USH2A: variants seen among roughly 807,000 people sequenced by gnomAD.
The protein encoded by USH2A is Usher syndrome 2A (autosomal recessive, mild).
Under a neutral mutation model 538.9 loss-of-function variants are expected in USH2A, and 443 were observed. The ratio of observed to expected loss-of-function variants is 0.82; its 90% CI spans 0.76 to 0.89. The LOEUF (loss-of-function observed/expected upper bound fraction) is 0.89, where lower values mean the gene tolerates loss of function less well. Among genes scored for constraint, USH2A ranks in the 40% least tolerant of loss-of-function variants. The pLI is 0.00. For missense variants in USH2A, 6,633 were observed against 6,324.8 expected, an observed-to-expected ratio of 1.05 and a Z score of -1.65; for synonymous variants, 2,413 against 2,273.5, an observed-to-expected ratio of 1.06 and a Z score of -1.75.
intron 46 of USH2A, among the ~76,000 whole-genome samples, chr1:215,838,773 A>G (rs2102817281): frequency 1.3e-5 from 2 of 152,316 alleles, no homozygotes; most frequent in East Asian, 3.9e-4. Context: ...ACGTTAACCA[A>G]GAGGGAGGAG....
chr1:216,296,274 T>C (rs2102616281), intron 9 of USH2A, among the ~76,000 whole-genome samples: 1 of 152,164 alleles, frequency 6.6e-6, no homozygotes, highest in East Asian at 1.9e-4. Context: ...AACTCTATGG[T>C]CAATTAAAAT....
chr1:216,092,772 C>A (rs1309621508), intron 22 of USH2A, among the ~76,000 whole-genome samples: 1 of 152,126 alleles, frequency 6.6e-6, no homozygotes, highest in Non-Finnish European at 1.5e-5. Flanking sequence ...TAGTGTAATG[C>A]ATCTGATTAC....
chr1:215,918,383 G>T (rs138643957), intron 38 of USH2A, among the ~76,000 whole-genome samples: 1 of 152,130 alleles, frequency 6.6e-6, no homozygotes, highest in African/African-American at 2.4e-5. Flanking sequence ...CATGAATGCG[G>T]TTAGTGCCCT....
chr1:216,411,105 T>G (rs551545626), intron 3 of USH2A, among the ~76,000 whole-genome samples: 1 of 152,160 alleles, frequency 6.6e-6, no homozygotes, highest in Admixed American at 6.6e-5. Flanking sequence ...TCTTAACATA[T>G]CCAGTGATTC....
At chr1:216,013,280 G>T (rs199806572) in intron 32 of USH2A, among the ~76,000 whole-genome samples, 1 of 144,304 alleles carries the variant, frequency 6.9e-6, no homozygotes, top group Non-Finnish European at 1.5e-5. Flanking sequence ...CTTACCACAA[G>T]ACCTCCCTTC....
In USH2A at chr1:215,951,535, T is replaced by C. The variant is rs575389482; in HGVS notation, c.7120+13782A>G. On this transcript the variant is annotated intron_variant, in intron 37 of 71. Coordinates refer to ENST00000307340, the MANE Select transcript of USH2A (RefSeq NM_206933.4). ...CTGAAGAGGATGTATATTCTGTTGATTTGGAGTGGAGAGTTCTGTAGATGT... is the reference window on the plus strand; with the variant it reads ...CTGAAGAGGATGTATATTCTGTTGACTTGGAGTGGAGAGTTCTGTAGATGT... Among the ~76,000 whole-genome samples the C allele has an allele frequency of 4.6e-5, 7 of 152,298 alleles. No homozygotes were observed. In the South Asian group the frequency reaches 1.2e-3, roughly 27 times the overall value.
intron 23 of USH2A, 143 bp downstream of exon 23, chr1:216,088,870 T>A: frequency 7.8e-7 from 1 of 1,276,934 alleles, no homozygotes; most frequent in Non-Finnish European, 1.1e-6. Context: ...TTTAGGAGCA[T>A]CCCAAAGGCA....
intron 47 of USH2A, among the ~76,000 whole-genome samples, chr1:215,819,825 A>T (rs1662962560): frequency 6.6e-6 from 1 of 151,826 alleles, no homozygotes; most frequent in African/African-American, 2.4e-5. Flanking sequence ...AATCAAGTAC[A>T]CGAAGGAAAA....
At chr1:215,809,082 T>C (rs1223765322) in intron 49 of USH2A, among the ~76,000 whole-genome samples, 1 of 152,152 alleles carries the variant, frequency 6.6e-6, no homozygotes, top group African/African-American at 2.4e-5. Context: ...CAGAGACCAA[T>C]GAAGGAGCAA....
In USH2A at chr1:215,888,890, C is replaced by A. The variant is rs1341753570; in HGVS notation, c.7759G>T (p.Val2587Leu). The A allele has an allele frequency of 6.2e-7, 1 of 1,614,138 alleles. No individual in the cohort carries two copies. The highest frequency in any genetic ancestry group is 1.7e-5 in the Admixed American group (1 of 60,026). Residue 2587 changes from valine (V) to leucine (L), a missense_variant, in exon 41 of 72, where the codon GTG becomes TTG. Coordinates refer to ENST00000307340, the MANE Select transcript of USH2A (RefSeq NM_206933.4). ...GCAGTGTATGGGTGTAAATGCATCA[C>A]TGTGCAATTAGTGACATTTCCAGGA... ...RTPGNVTNCT[V>L]MHLHPYTAYK...
chr1:215,921,856 T>A (rs942899734), intron 38 of USH2A, among the ~76,000 whole-genome samples: 2 of 152,056 alleles, frequency 1.3e-5, no homozygotes, highest in Non-Finnish European at 2.9e-5. Context: ...AGTTAATATA[T>A]GCAAAACCAC....
chr1:215,708,351 A>G (rs1659241892), intron 61 of USH2A, among the ~76,000 whole-genome samples: 1 of 152,228 alleles, frequency 6.6e-6, no homozygotes, highest in South Asian at 2.1e-4. Context: ...ATGCATACAC[A>G]TACTGACTGG....
At chr1:216,089,952 G>A (rs77244881) in intron 22 of USH2A, among the ~76,000 whole-genome samples, 1 of 151,846 alleles carries the variant, frequency 6.6e-6, no homozygotes. Context: ...AAGTGAATAA[G>A]ACTAAGTGAA....
At chr1:215,706,846 C>T (rs540726253) in intron 61 of USH2A, among the ~76,000 whole-genome samples, 1 of 152,208 alleles carries the variant, frequency 6.6e-6, no homozygotes, top group East Asian at 1.9e-4. Flanking sequence ...CTTGTAAATC[C>T]TCTAGTTTTA....
chr1:215,689,311 C>T (rs1658526214), intron 61 of USH2A, among the ~76,000 whole-genome samples: 1 of 152,222 alleles, frequency 6.6e-6, no homozygotes, highest in African/African-American at 2.4e-5. Flanking sequence ...TTAACCTCTT[C>T]ATTTGGATGT....
chr1:216,358,679 TA>T (rs2038435269), intron 4 of USH2A, among the ~76,000 whole-genome samples: 1 of 152,094 alleles, frequency 6.6e-6, no homozygotes. Context: ...AGAATAAAGA[TA>T]AAAATTATTT....
intron 50 of USH2A, among the ~76,000 whole-genome samples, chr1:215,793,350 C>T (rs1016326179): frequency 6.6e-6 from 1 of 151,692 alleles, no homozygotes; most frequent in Non-Finnish European, 1.5e-5. Flanking sequence ...AAATTTTAAG[C>T]CAAGGGATAT....
At position 215,648,593 on chromosome 1, in the gene USH2A, C is replaced by T. The variant is rs397517991; in HGVS notation, c.14517G>A (p.Thr4839=). The T allele has an allele frequency of 8.2e-5, 133 of 1,614,044 alleles. 2 individuals are homozygous for T. The Admixed American group carries it at 2.0e-3, about 24-fold the overall frequency. Residue 4839 remains threonine, a synonymous_variant, in exon 66 of 72, where the codon ACG becomes ACA. Coordinates refer to ENST00000307340, the MANE Select transcript of USH2A (RefSeq NM_206933.4). Reference sequence around the variant, plus strand: ...GGAAGGAGGCCGTCCTTGAGGCCAGCGTCCCGATTTGTGGAGAGGACAGTC... The same window carrying T: ...GGAAGGAGGCCGTCCTTGAGGCCAGTGTCCCGATTTGTGGAGAGGACAGTC... ...PSGLSSPQIG[T]LASRTASFRW... is the part of the protein sequence containing the mutation.
At chr1:215,996,006 G>C (rs1668126379) in intron 34 of USH2A, among the ~76,000 whole-genome samples, 1 of 152,132 alleles carries the variant, frequency 6.6e-6, no homozygotes, top group Admixed American at 6.5e-5. Context: ...TGCCTCTCGG[G>C]TTCAAGGGAT....
Sources: allele counts gnomAD v4.1 joint callset (sites outside exome capture counted in the v4.1 genomes callset), GRCh38; gene constraint gnomAD v4.1.1; transcripts MANE v1.5; gene names NCBI Gene and HGNC (gene_info 2026-07-23, HGNC 2026-07-21).